The following EML4 variants were observed in gnomAD, a reference collection of about 807,000 sequenced individuals.
The protein encoded by EML4 is EMAP like 4.
EML4 carries 72 observed loss-of-function variants against 129.0 expected under a neutral mutation model. That is an observed-to-expected ratio of 0.56 (90% CI 0.46 to 0.68). The LOEUF (loss-of-function observed/expected upper bound fraction) is 0.68. Among genes scored for constraint, EML4 ranks in the 30% least tolerant of loss-of-function variants. The pLI is 0.00. For missense variants in EML4, 1,363 were observed against 1,190.6 expected (o/e 1.14, Z -2.13); for synonymous variants, 532 against 405.0 (o/e 1.31, Z -3.77).
At chr2:42,215,663 G>T (rs959260406) in intron 1 of EML4, among the ~76,000 whole-genome samples, 22 of 152,052 alleles carry the variant, frequency 1.4e-4, no homozygotes, top group Admixed American at 1.4e-3. Context: ...CTGTTTTCTG[G>T]TGAATTTAAA....
chr2:42,182,102 C>G (rs1039002997), intron 1 of EML4, among the ~76,000 whole-genome samples: 1 of 146,734 alleles, frequency 6.8e-6, no homozygotes, highest in Non-Finnish European at 1.5e-5. Flanking sequence ...CCTACATAAT[C>G]AATCTCCTGT....
chr2:42,202,287 T>C (rs746879460), intron 1 of EML4, among the ~76,000 whole-genome samples: 1 of 152,084 alleles, frequency 6.6e-6, no homozygotes, highest in African/African-American at 2.4e-5. Context: ...ACACCTATAA[T>C]CTCAGTGCTT....
intron 1 of EML4, among the ~76,000 whole-genome samples, chr2:42,219,763 C>T (rs571492247): frequency 6.7e-6 from 1 of 150,244 alleles, no homozygotes; most frequent in Non-Finnish European, 1.5e-5. Flanking sequence ...ACTAAAAATA[C>T]AAAAAAAAAT....
At chr2:42,293,376 C>T (rs1355313566) in intron 11 of EML4, among the ~76,000 whole-genome samples, 3 of 152,166 alleles carry the variant, frequency 2.0e-5, no homozygotes, top group African/African-American at 4.8e-5. Context: ...ATTGAGATTA[C>T]AGGCATAAGC....
At chr2:42,250,351 C>G (rs1222569548) in intron 2 of EML4, among the ~76,000 whole-genome samples, 2 of 152,080 alleles carry the variant, frequency 1.3e-5, no homozygotes, top group Admixed American at 1.3e-4. Flanking sequence ...GCTCCTGGTC[C>G]AAATAACATT....
intron 1 of EML4, among the ~76,000 whole-genome samples, chr2:42,179,268 T>TTG (rs1236207441): frequency 1.3e-5 from 2 of 151,556 alleles, no homozygotes; most frequent in Non-Finnish European, 2.9e-5. Context: ...GCTGGGTTTT[T>TTG]TTTTTTTTTT....
intron 17 of EML4, among the ~76,000 whole-genome samples, chr2:42,314,755 C>G (rs1197660858): frequency 6.6e-6 from 1 of 152,196 alleles, no homozygotes; most frequent in Non-Finnish European, 1.5e-5. Flanking sequence ...ATGCTGCCAT[C>G]CTCTCTCTTA....
intron 5 of EML4, among the ~76,000 whole-genome samples, chr2:42,263,685 G>C (rs1665876438): frequency 2.0e-5 from 3 of 151,918 alleles, no homozygotes; most frequent in South Asian, 4.2e-4. Flanking sequence ...TTCCAGGCGT[G>C]AGCCACCACG....
intron 6 of EML4, chr2:42,264,973 G>C (rs919119759): frequency 1.3e-6 from 2 of 1,546,454 alleles, no homozygotes; most frequent in Non-Finnish European, 1.7e-6. Flanking sequence ...CTACGCAGTT[G>C]GTTGCCTTCT....
At chr2:42,206,872 A>G (rs1018885514) in intron 1 of EML4, among the ~76,000 whole-genome samples, 2 of 152,218 alleles carry the variant, frequency 1.3e-5, no homozygotes, top group Non-Finnish European at 2.9e-5. Context: ...TGACCTTACC[A>G]TTTGTTGATC....
chr2:42,180,206 A>G (rs1469227014), intron 1 of EML4, among the ~76,000 whole-genome samples: 1 of 152,196 alleles, frequency 6.6e-6, no homozygotes, highest in Non-Finnish European at 1.5e-5. Context: ...AACCCTTGAG[A>G]TAAAACTGCG....
chr2:42,305,759 G>A lies in EML4; in HGVS notation c.1967+1208G>A, dbSNP rs1304815230. On this transcript the variant is annotated intron_variant, in intron 17 of 22. Coordinates refer to ENST00000318522, the MANE Select transcript of EML4 (RefSeq NM_019063.5). ...TTAAACTCATTAAAAAATGTGGAAT[G>A]CTGATTTTTAATGGGGTGAGACTAT... is the stretch of plus-strand genomic sequence containing the variant. Among the ~76,000 whole-genome samples, 6 of 152,176 alleles carry A rather than the reference G, an allele frequency of 3.9e-5. No homozygotes were observed. In the East Asian group the frequency reaches 1.2e-3, roughly 29 times the overall value.
intron 1 of EML4, among the ~76,000 whole-genome samples, chr2:42,240,003 G>A (rs1205391379): frequency 3.3e-5 from 5 of 152,154 alleles, no homozygotes; most frequent in Non-Finnish European, 5.9e-5. Flanking sequence ...ACTCTGACTC[G>A]TTTGCTGTGT....
intron 1 of EML4, chr2:42,169,868 A>C: frequency 4.6e-6 from 2 of 430,622 alleles, no homozygotes. Flanking sequence ...AGCCCCTTTC[A>C]GTGCGGGGCC....
intron 11 of EML4, among the ~76,000 whole-genome samples, chr2:42,292,124 A>G (rs544887610): frequency 1.3e-5 from 2 of 152,340 alleles, no homozygotes; most frequent in East Asian, 1.9e-4. Context: ...TTTGTGGGAC[A>G]TGGAGGAAAG....
chr2:42,179,586 G>A (rs1259238767), intron 1 of EML4, among the ~76,000 whole-genome samples: 13 of 152,074 alleles, frequency 8.5e-5, no homozygotes, highest in Admixed American at 7.9e-4. Flanking sequence ...AGGAAACAAA[G>A]GTAATACATA....
At chr2:42,326,292 G>A (rs760641504) in intron 21 of EML4, 40 bp downstream of exon 21, 8 of 1,374,492 alleles carry the variant, frequency 5.8e-6, no homozygotes, top group Non-Finnish European at 8.2e-6. Flanking sequence ...TGGTTTGTGG[G>A]TTTTTTATAT....
At chr2:42,223,603 A>G (rs979373438) in intron 1 of EML4, among the ~76,000 whole-genome samples, 2 of 152,078 alleles carry the variant, frequency 1.3e-5, no homozygotes, top group African/African-American at 4.8e-5. Flanking sequence ...ACCATTTTTT[A>G]GTCTTTCCCC....
chr2:42,262,072 C>T (rs1018338167), intron 4 of EML4, among the ~76,000 whole-genome samples: 1 of 151,876 alleles, frequency 6.6e-6, no homozygotes, highest in Non-Finnish European at 1.5e-5. Context: ...ATTTTATCAT[C>T]GTACTTCTGC....
Sources: gnomAD v4.1 joint callset for allele counts (sites outside exome capture counted in the v4.1 genomes callset) on GRCh38, gnomAD v4.1.1 for gene constraint, MANE v1.5 for transcripts, NCBI Gene and HGNC (gene_info 2026-07-23, HGNC 2026-07-21) for gene names.